The following PAK1 variants were observed in gnomAD, a reference collection of about 807,000 sequenced individuals.
PAK1 encodes the protein p21 (RAC1) activated kinase 1.
In PAK1, 29 loss-of-function variants were observed where a neutral mutation model predicts 67.4. The observed-to-expected ratio is 0.43, with a 90% CI of 0.32 to 0.59. The LOEUF (loss-of-function observed/expected upper bound fraction) is 0.59, where lower values mean the gene tolerates loss of function less well. PAK1 is among the 20% of genes least tolerant of loss of function. The probability of loss-of-function intolerance (pLI) is 0.07; values close to 1 mark genes in which losing one functional copy is unlikely to be tolerated. For synonymous variants in PAK1, 223 were observed against 237.4 expected (o/e 0.94, Z 0.56); for missense variants, 337 against 670.7 (o/e 0.50, Z 5.50).
At chr11:77,330,385 T>C (rs1420490056) in intron 14 of PAK1, among the ~76,000 whole-genome samples, 1 of 152,094 alleles carries the variant, frequency 6.6e-6, no homozygotes, top group African/African-American at 2.4e-5. Context: ...CTTCAAACTA[T>C]ACTACAAGGC....
At chr11:77,400,886 C>A (rs1952586164) in intron 1 of PAK1, among the ~76,000 whole-genome samples, 5 of 152,092 alleles carry the variant, frequency 3.3e-5, no homozygotes, top group Admixed American at 2.6e-4. Context: ...GTAAACAAGT[C>A]AGAAGAAGAA....
intron 1 of PAK1, among the ~76,000 whole-genome samples, chr11:77,462,330 CA>C (rs34121310): frequency 0.5 from 70,352 of 139,856 alleles, 19,277 homozygotes; most frequent in African/African-American, 0.79. Context: ...GACTCCGTCT[CA>C]AAAAAAAAAA....
intron 1 of PAK1, among the ~76,000 whole-genome samples, chr11:77,425,981 G>A (rs1330570420): frequency 5.3e-5 from 8 of 151,556 alleles, no homozygotes; most frequent in Non-Finnish European, 1.2e-4. Flanking sequence ...ATACTCCTGG[G>A]TTCAAGGAAT....
intron 1 of PAK1, among the ~76,000 whole-genome samples, chr11:77,398,127 T>C (rs913286175): frequency 6.6e-6 from 1 of 152,200 alleles, no homozygotes; most frequent in African/African-American, 2.4e-5. Context: ...AATCCAATTA[T>C]AGTCTTTTAG....
Position 77,383,068 on chromosome 11 carries a change from C to T in PAK1, c.191-3074G>A, listed in dbSNP as rs551407660. ...GATCCCATTCCCTGAGGAAAGAGGC[C>T]CAGGGATGTAAGTTGACTTGTCCTG... On this transcript the variant is annotated intron_variant, in intron 2 of 14. Coordinates refer to ENST00000356341, the MANE Select transcript of PAK1 (RefSeq NM_002576.5). Among the ~76,000 whole-genome samples the T allele has an allele frequency of 3.9e-5, 6 of 152,092 alleles. No individual in the cohort carries two copies. The East Asian group carries it at 1.2e-3, about 29-fold the overall frequency.
At chr11:77,346,949 A>G (rs1408086186) in intron 9 of PAK1, 1 of 443,558 alleles carries the variant, frequency 2.3e-6, no homozygotes, top group East Asian at 7.0e-5. Flanking sequence ...TAACTGGAAG[A>G]CTTCCCAGCA....
At chr11:77,337,839 C>G (rs1164625387) in intron 11 of PAK1, among the ~76,000 whole-genome samples, 1 of 152,098 alleles carries the variant, frequency 6.6e-6, no homozygotes, top group East Asian at 1.9e-4. Context: ...ATACTAGAAG[C>G]AGTAAGTTAG....
At chr11:77,350,178 A>C (rs1004744592) in intron 8 of PAK1, among the ~76,000 whole-genome samples, 2 of 152,200 alleles carry the variant, frequency 1.3e-5, no homozygotes. Context: ...TTCCATCAAC[A>C]GGATATGTGA....
chr11:77,498,691 A>ATTTT, the PAK1 span, among the ~76,000 whole-genome samples: 5,287 of 72,084 alleles, frequency 0.073, 1,319 homozygotes, highest in Non-Finnish European at 0.083. Flanking sequence ...CTTGCTTGTA[A>ATTTT]TTTTTTTTTT....
intron 4 of PAK1, among the ~76,000 whole-genome samples, chr11:77,378,730 G>C (rs996484016): frequency 6.6e-6 from 1 of 152,154 alleles, no homozygotes; most frequent in Non-Finnish European, 1.5e-5. Context: ...TGGGACCACA[G>C]GGATGCACCA....
At chr11:77,489,423 TCTCTCCC>T in the PAK1 span, among the ~76,000 whole-genome samples, 58 of 143,182 alleles carry the variant, frequency 4.1e-4, no homozygotes, top group Non-Finnish European at 5.4e-4. Flanking sequence ...CTCTCCTCTC[TCTCTCCC>T]CTCTCCCCTC....
At chr11:77,400,052 G>A (rs1952456326) in intron 1 of PAK1, among the ~76,000 whole-genome samples, 1 of 152,010 alleles carries the variant, frequency 6.6e-6, no homozygotes, top group African/African-American at 2.4e-5. Context: ...ATAAAATGTT[G>A]AGGAGGAAAA....
chr11:77,377,620 T>C (rs1337043499), intron 4 of PAK1, among the ~76,000 whole-genome samples: 1 of 152,062 alleles, frequency 6.6e-6, no homozygotes, highest in African/African-American at 2.4e-5. Context: ...TCTTTGTTCA[T>C]GAATACTTAA....
chr11:77,353,294 G>A (rs563985937), intron 8 of PAK1: 123 of 408,292 alleles, frequency 3.0e-4, no homozygotes, highest in African/African-American at 2.3e-3. Context: ...AAAAAAAACC[G>A]TTCTCTCACT....
At chr11:77,522,012 AT>A in the PAK1 span, among the ~76,000 whole-genome samples, 33 of 152,364 alleles carry the variant, frequency 2.2e-4, no homozygotes, top group African/African-American at 7.9e-4. Flanking sequence ...CCTCATTTTC[AT>A]TAAAAACAAA....
chr11:77,486,165 G>A, the PAK1 span, among the ~76,000 whole-genome samples: 4 of 152,138 alleles, frequency 2.6e-5, no homozygotes, highest in African/African-American at 9.7e-5. Flanking sequence ...GTTCCTTGCA[G>A]CCAAGTGATC....
intron 1 of PAK1, among the ~76,000 whole-genome samples, chr11:77,426,789 T>G (rs545077855): frequency 2.7e-5 from 4 of 149,848 alleles, no homozygotes; most frequent in African/African-American, 9.8e-5. Context: ...AATTTAGAAA[T>G]TATTTTAATG....
At chr11:77,338,948 C>A (rs1943159352) in intron 11 of PAK1, among the ~76,000 whole-genome samples, 1 of 152,052 alleles carries the variant, frequency 6.6e-6, no homozygotes, top group African/African-American at 2.4e-5. Context: ...TGGGGAGTGA[C>A]TGTTAATGGA....
chr11:77,512,088 T>G, the PAK1 span, among the ~76,000 whole-genome samples: 1 of 152,002 alleles, frequency 6.6e-6, no homozygotes, highest in African/African-American at 2.4e-5. Flanking sequence ...ATGGGAAGGG[T>G]CCAGTGGGGA....
Sources: gnomAD v4.1 joint callset for allele counts (sites outside exome capture counted in the v4.1 genomes callset) on GRCh38, gnomAD v4.1.1 for gene constraint, MANE v1.5 for transcripts, NCBI Gene and HGNC (gene_info 2026-07-23, HGNC 2026-07-21) for gene names.